Variants in GBE1 observed in about 807,000 individuals in gnomAD.
GBE1 encodes 1,4-alpha-glucan branching enzyme 1.
In GBE1, 70 loss-of-function variants were observed where a neutral mutation model predicts 88.8. The observed-to-expected ratio is 0.79, with a 90% CI of 0.65 to 0.96. The LOEUF (loss-of-function observed/expected upper bound fraction) is 0.96. Among genes scored for constraint, GBE1 ranks in the 40% least tolerant of loss-of-function variants. GBE1 has a pLI of 0.00. For synonymous variants in GBE1, 284 were observed against 300.1 expected, an observed-to-expected ratio of 0.95 and a Z score of 0.56; for missense variants, 872 against 871.0, an observed-to-expected ratio of 1.00 and a Z score of -0.01.
chr3:81,731,900 A>G (rs1706191609), intron 1 of GBE1, among the ~76,000 whole-genome samples: 1 of 152,164 alleles, frequency 6.6e-6, no homozygotes, highest in Non-Finnish European at 1.5e-5. Context: ...TAGTAGTGTG[A>G]GAACATACTA....
At chr3:81,629,318 G>A (rs187987330) in intron 7 of GBE1, among the ~76,000 whole-genome samples, 242 of 150,506 alleles carry the variant, frequency 1.6e-3, no homozygotes, top group Middle Eastern at 6.8e-3. Flanking sequence ...TGAGAATGAT[G>A]GTTTCCAATT....
chr3:81,710,900 A>G (rs1056124916), intron 1 of GBE1, among the ~76,000 whole-genome samples: 4 of 152,204 alleles, frequency 2.6e-5, no homozygotes, highest in African/African-American at 9.6e-5. Flanking sequence ...ACTAACACAT[A>G]TCACACACTC....
intron 1 of GBE1, among the ~76,000 whole-genome samples, chr3:81,721,852 T>C (rs1706040083): frequency 6.6e-6 from 1 of 152,180 alleles, no homozygotes; most frequent in African/African-American, 2.4e-5. Flanking sequence ...GTACCTAGCA[T>C]TGTGCTAAGT....
intron 3 of GBE1, among the ~76,000 whole-genome samples, chr3:81,650,660 G>T (rs986453280): frequency 2.0e-5 from 3 of 152,138 alleles, no homozygotes; most frequent in Non-Finnish European, 2.9e-5. Context: ...TGAAATGATA[G>T]CTTTTTATTT....
chr3:81,576,881 T>C (rs1703654812), intron 12 of GBE1, among the ~76,000 whole-genome samples: 1 of 152,050 alleles, frequency 6.6e-6, no homozygotes, highest in Non-Finnish European at 1.5e-5. Context: ...AATAAAGGCT[T>C]TTAAAAGTTC....
chr3:81,498,384 C>T (rs183880246), intron 15 of GBE1, among the ~76,000 whole-genome samples: 8 of 152,100 alleles, frequency 5.3e-5, no homozygotes, highest in Admixed American at 3.9e-4. Flanking sequence ...TTGTTAGGTA[C>T]GTCCTAGAAT....
At chr3:81,650,544 TA>T (rs1358006658) in intron 3 of GBE1, among the ~76,000 whole-genome samples, 1 of 152,338 alleles carries the variant, frequency 6.6e-6, no homozygotes, top group Non-Finnish European at 1.5e-5. Flanking sequence ...TTTTTGATAA[TA>T]AAAAATAACA....
In GBE1 at chr3:81,553,715, C is replaced by T. The variant is rs529415155; in HGVS notation, c.1619-16620G>A. Among the ~76,000 whole-genome samples, 9 of 141,158 alleles carry T rather than the reference C, an allele frequency of 6.4e-5. 1 individual carries two copies. In the South Asian group the frequency reaches 2.0e-3, roughly 31 times the overall value. 92.6% of individuals were successfully genotyped at this position (141,158 alleles called of 152,430 possible). A position where few individuals can be genotyped will look rare whatever the true frequency, so the allele number is the denominator to read the frequency against. Reference sequence around the variant, plus strand: ...AAAAAAAAAAAACAGACAGAAAGTACAATGGGGTAGAAAGGGGGTGGATAA... The same window carrying T: ...AAAAAAAAAAAACAGACAGAAAGTATAATGGGGTAGAAAGGGGGTGGATAA... On this transcript the variant is annotated intron_variant, in intron 12 of 15. Coordinates refer to ENST00000429644, the MANE Select transcript of GBE1 (RefSeq NM_000158.4).
chr3:81,653,574 A>G (rs1704883071), intron 3 of GBE1, among the ~76,000 whole-genome samples: 1 of 152,154 alleles, frequency 6.6e-6, no homozygotes, highest in Non-Finnish European at 1.5e-5. Flanking sequence ...AACAATCAAG[A>G]TATGTGCTCA....
At chr3:81,732,790 T>C (rs1706207701) in intron 1 of GBE1, among the ~76,000 whole-genome samples, 1 of 152,160 alleles carries the variant, frequency 6.6e-6, no homozygotes, top group South Asian at 2.1e-4. Flanking sequence ...GTTCATGTCA[T>C]TTGTCTTCTC....
intron 2 of GBE1, among the ~76,000 whole-genome samples, chr3:81,682,874 C>A (rs1705372047): frequency 1.3e-5 from 2 of 152,048 alleles, no homozygotes; most frequent in Non-Finnish European, 2.9e-5. Flanking sequence ...AATGAATAAA[C>A]AAAATGTTGT....
chr3:81,646,807 T>C (rs1327353895), intron 5 of GBE1, among the ~76,000 whole-genome samples: 1 of 152,202 alleles, frequency 6.6e-6, no homozygotes, highest in Non-Finnish European at 1.5e-5. Context: ...ACTTGCAATA[T>C]TCATATTGAA....
chr3:81,579,349 T>G (rs1703689211), intron 11 of GBE1, among the ~76,000 whole-genome samples: 1 of 152,146 alleles, frequency 6.6e-6, no homozygotes, highest in Non-Finnish European at 1.5e-5. Context: ...ACTAGGCAAC[T>G]TGCATTATTT....
chr3:81,712,887 A>T (rs1055733669), intron 1 of GBE1, among the ~76,000 whole-genome samples: 2 of 152,212 alleles, frequency 1.3e-5, no homozygotes, highest in Non-Finnish European at 2.9e-5. Flanking sequence ...TTTCTTTCTT[A>T]AGTGAAAAAT....
In GBE1 at chr3:81,750,639, A is replaced by G. The variant is rs865963631; in HGVS notation, c.143+10736T>C. Among the ~76,000 whole-genome samples, 22 of 54,534 alleles carry G rather than the reference A, an allele frequency of 4.0e-4. 1 individual carries two copies. The highest frequency in any genetic ancestry group is 2.4e-3 in the African/African-American group (20 of 8,462). The allele number at this position is 54,534 out of a possible 152,430, so 35.8% of individuals were successfully genotyped here. A position where few individuals can be genotyped will look rare whatever the true frequency, so the allele number is the denominator to read the frequency against. The stretch of plus-strand genomic sequence containing the variant: ...TATGTATATATATATACGTATATAT[A>G]TATATGTATATATATATATGTATAT... On this transcript the variant is annotated intron_variant, in intron 1 of 15. Transcript: ENST00000429644.
chr3:81,745,513 G>A (rs1293785745), intron 1 of GBE1, among the ~76,000 whole-genome samples: 4 of 151,796 alleles, frequency 2.6e-5, no homozygotes, highest in Admixed American at 6.6e-5. Flanking sequence ...ATAAAATGAT[G>A]TATATGTAAA....
At chr3:81,604,702 AAAAT>A (rs1704081128) in intron 7 of GBE1, among the ~76,000 whole-genome samples, 1 of 152,190 alleles carries the variant, frequency 6.6e-6, no homozygotes, top group Non-Finnish European at 1.5e-5. Flanking sequence ...TTACTTCACT[AAAAT>A]AAAGGCACAT....
At position 81,709,726 on chromosome 3, in the gene GBE1, T is replaced by C. The variant is rs72906285; in HGVS notation, c.144-4113A>G. ...GATTATAGCATTATATTACTTTAAC[T>C]AAGTATCTTGACTTCCCTCAAGGTC... On this transcript the variant is annotated intron_variant, in intron 1 of 15. Transcript: ENST00000429644. Among the ~76,000 whole-genome samples, 557 of 152,290 alleles carry C rather than the reference T, an allele frequency of 3.7e-3. 6 individuals carry two copies. Among genetic ancestry groups the C allele is most frequent in the African/African-American group, 0.013 (532 of 41,550 alleles).
At chr3:81,533,336 A>G (rs1293550134) in intron 14 of GBE1, among the ~76,000 whole-genome samples, 1 of 151,846 alleles carries the variant, frequency 6.6e-6, no homozygotes, top group African/African-American at 2.4e-5. Context: ...TAGATAACCC[A>G]TCACATTGAT....
Sources: allele counts gnomAD v4.1 joint callset (sites outside exome capture counted in the v4.1 genomes callset), GRCh38; gene constraint gnomAD v4.1.1; transcripts MANE v1.5; gene names NCBI Gene and HGNC (gene_info 2026-07-23, HGNC 2026-07-21).